LRP1B: variants seen among roughly 807,000 people sequenced by gnomAD.
LRP1B encodes low-density lipoprotein receptor-related protein 1B.
LRP1B carries 217 observed loss-of-function variants against 556.6 expected under a neutral mutation model. That is an observed-to-expected ratio of 0.39 (90% CI 0.35 to 0.44). LRP1B has a LOEUF of 0.44. Among genes scored for constraint, LRP1B ranks in the 20% least tolerant of loss-of-function variants. The probability of loss-of-function intolerance (pLI) is 1.00; values close to 1 mark genes in which losing one functional copy is unlikely to be tolerated. For missense variants in LRP1B, 5,053 were observed against 5,620.8 expected, an observed-to-expected ratio of 0.90 and a Z score of 3.23; for synonymous variants, 2,047 against 1,865.8, an observed-to-expected ratio of 1.10 and a Z score of -2.50.
At chr2:141,135,697 A>T (rs1701474834) in intron 7 of LRP1B, among the ~76,000 whole-genome samples, 1 of 151,966 alleles carries the variant, frequency 6.6e-6, no homozygotes, top group Non-Finnish European at 1.5e-5. Context: ...TTTGATCACC[A>T]AGTCTCAATA....
intron 3 of LRP1B, among the ~76,000 whole-genome samples, chr2:141,429,021 G>A (rs939600463): frequency 6.6e-6 from 1 of 152,104 alleles, no homozygotes; most frequent in South Asian, 2.1e-4. Flanking sequence ...ATGCACTGGT[G>A]CCATTTATGT....
intron 1 of LRP1B, among the ~76,000 whole-genome samples, chr2:141,941,867 G>A (rs1010421468): frequency 4.6e-5 from 7 of 152,114 alleles, no homozygotes; most frequent in Non-Finnish European, 8.8e-5. Flanking sequence ...CTATATCCTT[G>A]CTAATAAAAT....
At chr2:141,449,573 A>G (rs1681333753) in intron 3 of LRP1B, among the ~76,000 whole-genome samples, 1 of 152,130 alleles carries the variant, frequency 6.6e-6, no homozygotes, top group Admixed American at 6.6e-5. Flanking sequence ...TGTGTTGACT[A>G]CAAGGGTCAG....
chr2:141,450,750 G>A (rs1681390233), intron 3 of LRP1B, among the ~76,000 whole-genome samples: 1 of 151,940 alleles, frequency 6.6e-6, no homozygotes, highest in Admixed American at 6.6e-5. Flanking sequence ...GAGGCAGTGT[G>A]GAATCTTAAG....
At chr2:141,190,008 C>T (rs78804234) in intron 6 of LRP1B, among the ~76,000 whole-genome samples, 1,563 of 152,002 alleles carry the variant, frequency 0.01, 19 homozygotes, top group Non-Finnish European at 0.015. Flanking sequence ...ATAATCTCAT[C>T]AGACCAGAAA....
At chr2:140,817,042 G>C (rs568619323) in intron 31 of LRP1B, among the ~76,000 whole-genome samples, 16 of 152,178 alleles carry the variant, frequency 1.1e-4, no homozygotes, top group African/African-American at 3.6e-4. Context: ...AGTGATGTCA[G>C]AATGCTAAAT....
chr2:141,843,548 T>C (rs1478695509), intron 1 of LRP1B, among the ~76,000 whole-genome samples: 9 of 152,154 alleles, frequency 5.9e-5, no homozygotes, highest in Admixed American at 5.9e-4. Flanking sequence ...TGCAAACCTT[T>C]TATTTGAATG....
intron 3 of LRP1B, among the ~76,000 whole-genome samples, chr2:141,382,361 G>T (rs1689674045): frequency 6.6e-6 from 1 of 152,190 alleles, no homozygotes; most frequent in Non-Finnish European, 1.5e-5. Flanking sequence ...ATACTGAAAG[G>T]ACTCAGTCTC....
chr2:140,264,740 G>A lies in LRP1B; in HGVS notation c.13247+5502C>T, dbSNP rs1057399175. On this transcript the variant is annotated intron_variant, in intron 86 of 90. Transcript: ENST00000389484. The stretch of plus-strand genomic sequence containing the variant: ...TGTGTGTGTGTGTGTGTGTGTGTGT[G>A]TATATAATTTTCCCACTGAAATTTA... Among the ~76,000 whole-genome samples the A allele has an allele frequency of 2.1e-3, 246 of 117,132 alleles. 1 individual carries two copies. Among genetic ancestry groups the A allele is most frequent in the South Asian group, 4.4e-3 (18 of 4,132 alleles). 76.8% of individuals were successfully genotyped at this position (117,132 alleles called of 152,430 possible). A position where few individuals can be genotyped will look rare whatever the true frequency, so the allele number is the denominator to read the frequency against.
intron 60 of LRP1B, among the ~76,000 whole-genome samples, chr2:140,467,318 A>G (rs999019458): frequency 3.3e-5 from 5 of 152,082 alleles, no homozygotes; most frequent in African/African-American, 1.2e-4. Flanking sequence ...ATATAACAGT[A>G]TTAGGCCTGG....
chr2:141,947,141 G>A (rs1700975097), intron 1 of LRP1B, among the ~76,000 whole-genome samples: 1 of 151,984 alleles, frequency 6.6e-6, no homozygotes, highest in African/African-American at 2.4e-5. Flanking sequence ...TTTAAAAAAG[G>A]TAAAGGAAGG....
intron 7 of LRP1B, among the ~76,000 whole-genome samples, chr2:141,066,329 CAT>C (rs1344423477): frequency 1.3e-5 from 2 of 151,934 alleles, no homozygotes; most frequent in African/African-American, 2.4e-5. Flanking sequence ...TCACTACAGT[CAT>C]ATAAGTTTTA....
intron 66 of LRP1B, among the ~76,000 whole-genome samples, chr2:140,394,124 ATTTT>A (rs34965660): frequency 1.1e-4 from 13 of 122,504 alleles, no homozygotes; most frequent in African/African-American, 3.1e-4. Context: ...ACTGGCACAT[ATTTT>A]TTTTTTTTTT....
chr2:140,476,535 G>C (rs1162472350), intron 59 of LRP1B, among the ~76,000 whole-genome samples: 13 of 152,002 alleles, frequency 8.6e-5, no homozygotes, highest in African/African-American at 3.1e-4. Flanking sequence ...AAAAAGGAAA[G>C]AGTTTTCAGG....
chr2:140,993,912 G>T, intron 16 of LRP1B, 83 bp downstream of exon 16: 2 of 1,398,250 alleles, frequency 1.4e-6, no homozygotes, highest in African/African-American at 1.4e-5. Flanking sequence ...GGTATTTTCA[G>T]ATTGTCACAA....
chr2:140,492,568 AC>A (rs752321929), intron 57 of LRP1B, 39 bp downstream of exon 57: 1 of 1,369,762 alleles, frequency 7.3e-7, no homozygotes, highest in East Asian at 2.3e-5. Context: ...TACCTAGTGC[AC>A]ATGTTAAATG....
At chr2:141,951,979 G>A (rs901328606) in intron 1 of LRP1B, among the ~76,000 whole-genome samples, 5 of 144,640 alleles carry the variant, frequency 3.5e-5, no homozygotes, top group African/African-American at 1.3e-4. Context: ...TTCTCTTAAT[G>A]CTATCCCTCC....
intron 2 of LRP1B, among the ~76,000 whole-genome samples, chr2:141,628,842 T>G (rs899458825): frequency 1.3e-5 from 2 of 151,838 alleles, no homozygotes; most frequent in Admixed American, 6.6e-5. Flanking sequence ...AAAGATGAGG[T>G]CTCATCATTT....
At position 142,069,617 on chromosome 2, in the gene LRP1B, C is replaced by T. The variant is rs141313314; in HGVS notation, c.82+61031G>A. ...GATTTTGCAAATTCATGTTCATAAACGTTAATATATGTCTCCATTAAATAC... is the reference window on the plus strand; with the variant it reads ...GATTTTGCAAATTCATGTTCATAAATGTTAATATATGTCTCCATTAAATAC... On this transcript the variant is annotated intron_variant, in intron 1 of 90. Coordinates refer to ENST00000389484, the MANE Select transcript of LRP1B (RefSeq NM_018557.3). Among the ~76,000 whole-genome samples the T allele has an allele frequency of 1.6e-4, 24 of 151,704 alleles. No homozygotes were observed. In the East Asian group the frequency reaches 3.7e-3, roughly 23 times the overall value.
Sources: allele counts gnomAD v4.1 joint callset (sites outside exome capture counted in the v4.1 genomes callset), GRCh38; gene constraint gnomAD v4.1.1; transcripts MANE v1.5; gene names NCBI Gene and HGNC (gene_info 2026-07-23, HGNC 2026-07-21).